MICU2: variants seen among roughly 807,000 people sequenced by gnomAD.
The protein encoded by MICU2 is mitochondrial calcium uptake 2.
Under a neutral mutation model 60.4 loss-of-function variants are expected in MICU2, and 64 were observed. The ratio of observed to expected loss-of-function variants is 1.06; its 90% CI spans 0.87 to 1.31. The LOEUF is 1.31. Ranked by LOEUF, MICU2 falls within the 50% of genes most tolerant of loss-of-function variation. The pLI is 0.00. For missense variants in MICU2, 569 were observed against 531.0 expected (o/e 1.07, Z -0.70); for synonymous variants, 201 against 175.0 (o/e 1.15, Z -1.17).
chr13:21,552,167 C>A (rs1887585606), intron 2 of MICU2, among the ~76,000 whole-genome samples: 1 of 152,172 alleles, frequency 6.6e-6, no homozygotes, highest in Non-Finnish European at 1.5e-5. Context: ...TTTTCATTTG[C>A]ATTTCTCTGA....
intron 2 of MICU2, among the ~76,000 whole-genome samples, chr13:21,553,091 C>T (rs1887614110): frequency 6.6e-6 from 1 of 152,132 alleles, no homozygotes; most frequent in African/African-American, 2.4e-5. Flanking sequence ...TTGTTTGCAT[C>T]CTCTTTTATT....
At chr13:21,556,286 T>A (rs2138026033) in intron 2 of MICU2, among the ~76,000 whole-genome samples, 1 of 152,274 alleles carries the variant, frequency 6.6e-6, no homozygotes, top group South Asian at 2.1e-4. Context: ...GATTACTCCT[T>A]CCTTGAAATG....
Position 21,495,252 on chromosome 13 carries a change from A to G in MICU2, c.1109T>C (p.Val370Ala). 6.2e-7 allele frequency: 1 copy of G among 1,613,562 alleles called. No homozygotes were observed. The highest frequency in any genetic ancestry group is 8.5e-7 in the Non-Finnish European group (1 of 1,179,716). The change falls in exon 11 of 12, where the codon GTC becomes GCC. Residue 370 changes from valine to alanine, a missense_variant. Transcript: ENST00000382374. Reference protein sequence around the residue: ...QELSNNILDTVFKIFDLDGDE... With the variant: ...QELSNNILDTAFKIFDLDGDE... ...ACCATCCAAATCAAAGATCTTAAAGACAGTGTCCAAAATATTGTTTGAGAG... is the reference window on the plus strand; with the variant it reads ...ACCATCCAAATCAAAGATCTTAAAGGCAGTGTCCAAAATATTGTTTGAGAG...
chr13:21,591,516 ATCAAGTGGACCTAGTAGACATC>A (rs1248359443), intron 1 of MICU2, among the ~76,000 whole-genome samples: 1 of 152,228 alleles, frequency 6.6e-6, no homozygotes, highest in Admixed American at 6.5e-5. Flanking sequence ...TCTGCTCTGG[ATCAAGTGGACCTAGTAGACATC>A]TACAGAACTC....
chr13:21,577,799 G>A (rs548324952), intron 1 of MICU2, among the ~76,000 whole-genome samples: 1 of 128,210 alleles, frequency 7.8e-6, no homozygotes, highest in African/African-American at 3.2e-5. Flanking sequence ...AGCGAGACTC[G>A]GTCTCAAAAA....
chr13:21,537,420 T>C (rs1449499566), intron 4 of MICU2, among the ~76,000 whole-genome samples: 4 of 152,124 alleles, frequency 2.6e-5, no homozygotes, highest in Admixed American at 2.6e-4. Flanking sequence ...CTTCAAACCT[T>C]CTTTCTCCAT....
At chr13:21,509,295 G>A (rs1886369240) in intron 8 of MICU2, among the ~76,000 whole-genome samples, 1 of 152,146 alleles carries the variant, frequency 6.6e-6, no homozygotes, top group Admixed American at 6.5e-5. Flanking sequence ...ATAAAGAAAT[G>A]AGCTTAGGGA....
intron 1 of MICU2, among the ~76,000 whole-genome samples, chr13:21,588,506 C>T (rs577576782): frequency 1.3e-5 from 2 of 152,326 alleles, no homozygotes; most frequent in East Asian, 3.9e-4. Flanking sequence ...CTTCCATCTC[C>T]CAACACTAAG....
intron 4 of MICU2, chr13:21,531,268 G>GATCCC: frequency 6.6e-7 from 1 of 1,508,848 alleles, no homozygotes; most frequent in South Asian, 1.1e-5. Flanking sequence ...TAGATTGGAA[G>GATCCC]ATCCCTTCAA....
intron 1 of MICU2, among the ~76,000 whole-genome samples, chr13:21,579,235 A>G (rs2138055460): frequency 6.6e-6 from 1 of 152,352 alleles, no homozygotes; most frequent in Non-Finnish European, 1.5e-5. Context: ...TTATTAATTA[A>G]ATCACCAGTA....
At chr13:21,603,916 A>T (rs1187739290) in intron 1 of MICU2, 23 bp downstream of exon 1, 1 of 1,608,964 alleles carries the variant, frequency 6.2e-7, no homozygotes, top group Admixed American at 1.7e-5. Context: ...GACTGGGGCT[A>T]GCAGAAGGAG....
At chr13:21,552,838 T>C (rs1887606467) in intron 2 of MICU2, among the ~76,000 whole-genome samples, 1 of 152,208 alleles carries the variant, frequency 6.6e-6, no homozygotes, top group South Asian at 2.1e-4. Context: ...TGTAGCCTTG[T>C]AGTATAGTTT....
chr13:21,565,192 A>C (rs1887948653), intron 2 of MICU2, among the ~76,000 whole-genome samples: 1 of 152,242 alleles, frequency 6.6e-6, no homozygotes, highest in Admixed American at 6.5e-5. Context: ...AATATCTTTA[A>C]GGTTGCTAGT....
chr13:21,572,407 A>G (rs1357261418), intron 1 of MICU2, among the ~76,000 whole-genome samples: 2 of 152,202 alleles, frequency 1.3e-5, no homozygotes, highest in African/African-American at 4.8e-5. Flanking sequence ...CATTCCTGTG[A>G]GACTTCCGTT....
intron 2 of MICU2, among the ~76,000 whole-genome samples, chr13:21,553,686 C>T (rs886248532): frequency 2.0e-5 from 3 of 152,064 alleles, no homozygotes; most frequent in East Asian, 1.9e-4. Context: ...CATAACAATA[C>T]TAACCTTAAA....
intron 4 of MICU2, among the ~76,000 whole-genome samples, chr13:21,526,370 T>A (rs1341921291): frequency 2.6e-5 from 4 of 152,086 alleles, no homozygotes; most frequent in African/African-American, 9.7e-5. Flanking sequence ...TTTCTAATAG[T>A]CTATAAAATT....
At chr13:21,583,785 T>G (rs1469865290) in intron 1 of MICU2, among the ~76,000 whole-genome samples, 2 of 152,208 alleles carry the variant, frequency 1.3e-5, no homozygotes, top group Non-Finnish European at 2.9e-5. Context: ...AGAGCCATAT[T>G]GAAAATGTGC....
chr13:21,571,766 G>A (rs949235488), intron 1 of MICU2, among the ~76,000 whole-genome samples: 4 of 152,220 alleles, frequency 2.6e-5, no homozygotes, highest in Non-Finnish European at 4.4e-5. Flanking sequence ...AGGATGAGCA[G>A]GAGTTTGCCA....
intron 4 of MICU2, among the ~76,000 whole-genome samples, chr13:21,528,950 C>G (rs570326384): frequency 1.3e-5 from 2 of 151,956 alleles, no homozygotes; most frequent in South Asian, 4.2e-4. Flanking sequence ...AAGGGAAGAG[C>G]GTGTGCAAAA....
Sources: allele counts gnomAD v4.1 joint callset (sites outside exome capture counted in the v4.1 genomes callset), GRCh38; gene constraint gnomAD v4.1.1; transcripts MANE v1.5; gene names NCBI Gene and HGNC (gene_info 2026-07-23, HGNC 2026-07-21).